The following CNTNAP2 variants were observed in gnomAD, a reference collection of about 807,000 sequenced individuals.
CNTNAP2 encodes contactin-associated protein-like 2.
A neutral mutation model predicts 155.2 loss-of-function variants in CNTNAP2; 98 were observed. That is an observed-to-expected ratio of 0.63 (90% CI 0.54 to 0.75). The LOEUF (loss-of-function observed/expected upper bound fraction) is 0.75. Ranked by LOEUF, CNTNAP2 falls within the 30% of genes least tolerant of loss-of-function variation. CNTNAP2 has a pLI of 0.00. For missense variants in CNTNAP2, 1,727 were observed against 1,688.1 expected, an observed-to-expected ratio of 1.02 and a Z score of -0.40; for synonymous variants, 651 against 631.2, an observed-to-expected ratio of 1.03 and a Z score of -0.47.
Position 146,763,821 on chromosome 7 carries a change from T to C in CNTNAP2, c.98-10450T>C, listed in dbSNP as rs577832880. ...ACTACTTTTTTAGCCTATCATGCCA[T>C]AAACATTTGTCAATTGATTAAGGAT... On this transcript the variant is annotated intron_variant, in intron 1 of 23. Coordinates refer to ENST00000361727, the MANE Select transcript of CNTNAP2 (RefSeq NM_014141.6). Among the ~76,000 whole-genome samples, 3 of 152,330 alleles carry C rather than the reference T, an allele frequency of 2.0e-5. No individual in the cohort carries two copies. In the South Asian group the frequency reaches 6.2e-4, roughly 32 times the overall value.
chr7:146,437,324 A>G (rs1304104918), intron 1 of CNTNAP2, among the ~76,000 whole-genome samples: 1 of 151,504 alleles, frequency 6.6e-6, no homozygotes, highest in Non-Finnish European at 1.5e-5. Flanking sequence ...GTTCTAAACG[A>G]CAAAACTACT....
At chr7:146,625,086 T>C (rs1475153874) in intron 1 of CNTNAP2, among the ~76,000 whole-genome samples, 2 of 151,990 alleles carry the variant, frequency 1.3e-5, no homozygotes, top group Non-Finnish European at 2.9e-5. Flanking sequence ...AGAAATTTAC[T>C]GGAACACATT....
intron 2 of CNTNAP2, among the ~76,000 whole-genome samples, chr7:146,791,529 T>C (rs1585092290): frequency 6.6e-6 from 1 of 152,200 alleles, no homozygotes; most frequent in Admixed American, 6.5e-5. Context: ...GAACTCAACA[T>C]GCTCCTTGCA....
intron 13 of CNTNAP2, among the ~76,000 whole-genome samples, chr7:147,886,528 C>T (rs1799603550): frequency 1.6e-5 from 2 of 121,602 alleles, no homozygotes; most frequent in African/African-American, 6.4e-5. Context: ...CTCTCTCTCT[C>T]TTGAAGTCGT....
At chr7:146,182,868 T>C (rs891706144) in intron 1 of CNTNAP2, among the ~76,000 whole-genome samples, 1 of 152,160 alleles carries the variant, frequency 6.6e-6, no homozygotes, top group Non-Finnish European at 1.5e-5. Context: ...CTTCCTAATA[T>C]GCTGTATCTG....
At chr7:148,289,803 T>C (rs529512134) in intron 21 of CNTNAP2, among the ~76,000 whole-genome samples, 16 of 152,242 alleles carry the variant, frequency 1.1e-4, no homozygotes, top group South Asian at 4.1e-4. Flanking sequence ...ACCAAGGCTG[T>C]TGGGGGAGGC....
chr7:148,283,255 A>AAGAAAAGAAAGAAAG (rs1797007935), intron 21 of CNTNAP2, among the ~76,000 whole-genome samples: 6 of 63,634 alleles, frequency 9.4e-5, no homozygotes, highest in Middle Eastern at 7.7e-3. Context: ...AAAAAAAAAA[A>AAGAAAAGAAAGAAAG]AAAGAAAGAA....
intron 11 of CNTNAP2, 33 bp from the exon 12 acceptor site, chr7:147,562,105 C>T: frequency 6.2e-7 from 1 of 1,613,320 alleles, no homozygotes; most frequent in Non-Finnish European, 8.5e-7. Flanking sequence ...TTGTTCTGTG[C>T]TGTGCTTATG....
At chr7:147,894,214 C>T (rs950850142) in intron 13 of CNTNAP2, 1 of 152,134 alleles carries the variant, frequency 6.6e-6, no homozygotes, top group Non-Finnish European at 1.5e-5. Context: ...GATGCCTATA[C>T]TTAGTAAGTG....
chr7:147,669,416 T>G (rs1795751082), intron 13 of CNTNAP2, among the ~76,000 whole-genome samples: 5 of 152,208 alleles, frequency 3.3e-5, no homozygotes, highest in Admixed American at 3.3e-4. Context: ...TAATTAATTT[T>G]CTTAAAATAA....
At chr7:146,548,873 T>C (rs1003396783) in intron 1 of CNTNAP2, among the ~76,000 whole-genome samples, 5 of 150,628 alleles carry the variant, frequency 3.3e-5, no homozygotes, top group African/African-American at 2.4e-5. Context: ...ATATTCCCAG[T>C]TGTCTATCTT....
intron 8 of CNTNAP2, among the ~76,000 whole-genome samples, chr7:147,208,504 T>C (rs1471354873): frequency 6.6e-6 from 1 of 152,052 alleles, no homozygotes; most frequent in Non-Finnish European, 1.5e-5. Flanking sequence ...GGAAAGACCA[T>C]GTAGAAATCA....
At chr7:146,927,653 T>C (rs775559946) in intron 3 of CNTNAP2, among the ~76,000 whole-genome samples, 6 of 152,066 alleles carry the variant, frequency 3.9e-5, no homozygotes, top group Non-Finnish European at 2.9e-5. Flanking sequence ...CACATTTCTA[T>C]GACATTTTTA....
At chr7:147,659,825 A>C (rs573598824) in intron 13 of CNTNAP2, among the ~76,000 whole-genome samples, 43 of 152,314 alleles carry the variant, frequency 2.8e-4, no homozygotes, top group African/African-American at 1.0e-3. Flanking sequence ...CTGTATTTGC[A>C]TACTGCCTTT....
intron 1 of CNTNAP2, among the ~76,000 whole-genome samples, chr7:146,755,193 A>G (rs1182551686): frequency 1.3e-5 from 2 of 151,994 alleles, no homozygotes; most frequent in African/African-American, 4.8e-5. Flanking sequence ...TTATTCATTC[A>G]AAAATATATA....
chr7:146,670,895 T>C (rs948994108), intron 1 of CNTNAP2, among the ~76,000 whole-genome samples: 4 of 152,316 alleles, frequency 2.6e-5, no homozygotes, highest in Admixed American at 2.6e-4. Context: ...GTCTTATTCA[T>C]GTACAAGAGT....
At chr7:147,382,438 T>G (rs572599437) in intron 9 of CNTNAP2, among the ~76,000 whole-genome samples, 1 of 152,326 alleles carries the variant, frequency 6.6e-6, no homozygotes, top group East Asian at 1.9e-4. Context: ...CAGGATCAAC[T>G]CTTGATTGAT....
intron 21 of CNTNAP2, among the ~76,000 whole-genome samples, chr7:148,288,781 A>G (rs192260335): frequency 1.1e-4 from 17 of 152,180 alleles, no homozygotes; most frequent in Admixed American, 8.5e-4. Context: ...CAAGACTTTT[A>G]TGGTACAGAG....
chr7:146,896,422 G>C (rs1056640764), intron 3 of CNTNAP2, among the ~76,000 whole-genome samples: 1 of 151,444 alleles, frequency 6.6e-6, no homozygotes, highest in Non-Finnish European at 1.5e-5. Flanking sequence ...TTTTTTTTCT[G>C]TTCCCCGTAG....
Sources: gnomAD v4.1 joint callset for allele counts (sites outside exome capture counted in the v4.1 genomes callset) on GRCh38, gnomAD v4.1.1 for gene constraint, MANE v1.5 for transcripts, NCBI Gene and HGNC (gene_info 2026-07-23, HGNC 2026-07-21) for gene names.